The following LSM1 variants were observed in gnomAD, a reference collection of about 807,000 sequenced individuals.
The protein encoded by LSM1 is U6 snRNA-associated Sm-like protein LSm1.
A neutral mutation model predicts 18.0 loss-of-function variants in LSM1; 13 were observed. That is an observed-to-expected ratio of 0.72 (90% CI 0.47 to 1.15). LSM1 has a LOEUF of 1.15. Among genes scored for constraint, LSM1 ranks in the 50% most tolerant of loss-of-function variants. The probability of loss-of-function intolerance (pLI) is 0.00; values close to 1 mark genes in which losing one functional copy is unlikely to be tolerated. For synonymous variants in LSM1, 46 were observed against 56.0 expected, an observed-to-expected ratio of 0.82 and a Z score of 0.80; for missense variants, 152 against 157.7, an observed-to-expected ratio of 0.96 and a Z score of 0.19.
intron 1 of LSM1, 199 bp downstream of exon 1, chr8:38,176,076 G>A (rs1033192593): frequency 2.0e-6 from 1 of 493,210 alleles, no homozygotes; most frequent in Non-Finnish European, 3.6e-6. Context: ...GCTGCGAGGG[G>A]CAGAAGTAGC....
chr8:38,165,074 C>A (rs1802906837), intron 3 of LSM1, among the ~76,000 whole-genome samples: 1 of 152,024 alleles, frequency 6.6e-6, no homozygotes, highest in Non-Finnish European at 1.5e-5. Context: ...TTAGGTTGGG[C>A]ATGGTGGCTC....
At chr8:38,164,067 T>C (rs767793782) in intron 3 of LSM1, among the ~76,000 whole-genome samples, 2 of 152,198 alleles carry the variant, frequency 1.3e-5, no homozygotes, top group East Asian at 3.8e-4. Flanking sequence ...TATATGTATA[T>C]ATTTTTCAAG....
At chr8:38,175,309 C>T (rs1179465695) in intron 1 of LSM1, among the ~76,000 whole-genome samples, 1 of 152,020 alleles carries the variant, frequency 6.6e-6, no homozygotes, top group Non-Finnish European at 1.5e-5. Context: ...CTCAGGCGAT[C>T]TGCCCGCCTC....
In LSM1 at chr8:38,176,447, T is replaced by C. The variant is rs1220530175; in HGVS notation, c.-127A>G. On this transcript the variant is annotated 5_prime_UTR_variant, in exon 1 of 4. Transcript: ENST00000311351. The stretch of plus-strand genomic sequence containing the variant: ...GAATCCCGACCGAGACCAGCACTTC[T>C]GCCCCGGCTTTCAGCCGCCGGGGGC... 8 of 734,252 alleles carry C rather than the reference T, an allele frequency of 1.1e-5. No homozygotes were observed. The highest frequency in any genetic ancestry group is 2.7e-5 in the East Asian group (1 of 36,828). The allele number at this position is 734,252 out of a possible 1,614,324, so 45.5% of individuals were successfully genotyped here.
At position 38,169,313 on chromosome 8, in the gene LSM1, C is replaced by G. The variant is rs528323822; in HGVS notation, c.231+489G>C. On this transcript the variant is annotated intron_variant, in intron 3 of 3. Transcript: ENST00000311351. ...TTTCTGGCACAGATACCAAAATACC[C>G]TCTCCCTGGCTGTGAGCTAAGGATC... 9.9e-5 allele frequency among the ~76,000 whole-genome samples: 15 copies of G among 152,244 alleles called. No individual in the cohort carries two copies. The East Asian group carries it at 2.7e-3, about 27-fold the overall frequency.
chr8:38,173,394 T>G, intron 1 of LSM1, among the ~76,000 whole-genome samples: 1 of 151,106 alleles, frequency 6.6e-6, no homozygotes, highest in African/African-American at 2.4e-5. Context: ...GAGAAGGAAA[T>G]CTGTAAATTA....
In LSM1 at chr8:38,176,425, T is replaced by C. The variant is rs1275688015; in HGVS notation, c.-105A>G. ...CGCCTCGGTGGGACCAAGCCCGGAA[T>C]CCCGACCGAGACCAGCACTTCTGCC... On this transcript the variant is annotated 5_prime_UTR_variant, in exon 1 of 4. Transcript: ENST00000311351. The C allele has an allele frequency of 3.4e-6, 3 of 892,416 alleles. No individual in the cohort carries two copies. Among genetic ancestry groups the C allele is most frequent in the Non-Finnish European group, 5.3e-6 (3 of 568,162 alleles). The allele number at this position is 892,416 out of a possible 1,614,324, so 55.3% of individuals were successfully genotyped here.
chr8:38,165,861 C>A (rs1454987648), intron 3 of LSM1, among the ~76,000 whole-genome samples: 1 of 152,044 alleles, frequency 6.6e-6, no homozygotes, highest in Non-Finnish European at 1.5e-5. Flanking sequence ...GCCTAGATAA[C>A]AAAGTGAGAC....
chr8:38,168,130 T>G (rs1052747549), intron 3 of LSM1, among the ~76,000 whole-genome samples: 1 of 151,576 alleles, frequency 6.6e-6, no homozygotes, highest in Admixed American at 6.6e-5. Flanking sequence ...CCCGGCTAAC[T>G]TTTTTGTATT....
intron 1 of LSM1, among the ~76,000 whole-genome samples, chr8:38,174,291 T>C (rs1389496959): frequency 6.6e-6 from 1 of 151,742 alleles, no homozygotes; most frequent in Admixed American, 6.6e-5. Flanking sequence ...AGACAGAGGA[T>C]ATAAAAGAAA....
At chr8:38,176,243 C>A (rs1803141566) in intron 1 of LSM1, 32 bp downstream of exon 1, 1 of 1,608,382 alleles carries the variant, frequency 6.2e-7, no homozygotes, top group South Asian at 1.1e-5. Flanking sequence ...GGTCTAACCC[C>A]GGGCTCCACC....
intron 3 of LSM1, among the ~76,000 whole-genome samples, chr8:38,169,183 T>A (rs1477375174): frequency 6.6e-6 from 1 of 152,114 alleles, no homozygotes; most frequent in Non-Finnish European, 1.5e-5. Context: ...AAAAAAAATC[T>A]GAGTACTTCT....
At chr8:38,166,941 C>T (rs982616394) in intron 3 of LSM1, among the ~76,000 whole-genome samples, 3 of 152,202 alleles carry the variant, frequency 2.0e-5, no homozygotes, top group African/African-American at 7.2e-5. Context: ...AGTCTTATTA[C>T]TTAATGCTGT....
intron 1 of LSM1, 38 bp downstream of exon 1, chr8:38,176,236 CT>C (rs753811910): frequency 1.3e-6 from 2 of 1,599,554 alleles, no homozygotes; most frequent in Non-Finnish European, 1.7e-6. Flanking sequence ...GAGGAAGGGT[CT>C]AACCCCGGGC....
chr8:38,163,932 A>C (rs1388643783), intron 3 of LSM1, 92 bp from the exon 4 acceptor site: 1 of 1,110,286 alleles, frequency 9.0e-7, no homozygotes, highest in African/African-American at 1.6e-5. Context: ...TCAGGCTCAG[A>C]TTATTTTTCA....
chr8:38,168,232 A>T (rs1219604302), intron 3 of LSM1, among the ~76,000 whole-genome samples: 1 of 146,504 alleles, frequency 6.8e-6, no homozygotes, highest in East Asian at 2.3e-4. Flanking sequence ...AAGTGCTGGG[A>T]TTACAGGCGT....
intron 2 of LSM1, chr8:38,171,094 G>T (rs1803020577): frequency 1.1e-5 from 4 of 367,096 alleles, no homozygotes; most frequent in Non-Finnish European, 2.2e-5. Context: ...TTATTCCAAT[G>T]TATCCCTATA....
upstream of LSM1, chr8:38,176,717 G>A: frequency 9.8e-7 from 1 of 1,017,340 alleles, no homozygotes; most frequent in Non-Finnish European, 1.3e-6. Flanking sequence ...CAGCTTTCGG[G>A]GTTCGGCAGC....
At chr8:38,175,025 C>CAAA (rs1203614273) in intron 1 of LSM1, among the ~76,000 whole-genome samples, 2 of 57,106 alleles carry the variant, frequency 3.5e-5, no homozygotes, top group African/African-American at 6.5e-5. Context: ...GACTCTGTCT[C>CAAA]AAAAAAAAAA....
Sources: allele counts gnomAD v4.1 joint callset (sites outside exome capture counted in the v4.1 genomes callset), GRCh38; gene constraint gnomAD v4.1.1; transcripts MANE v1.5; gene names NCBI Gene and HGNC (gene_info 2026-07-23, HGNC 2026-07-21).